Variants in BCLAF3 observed in about 807,000 individuals in gnomAD.
The protein encoded by BCLAF3 is transient octamer binding factor 1.
A neutral mutation model predicts 51.2 loss-of-function variants in BCLAF3; 24 were observed. The ratio of observed to expected loss-of-function variants is 0.47; its 90% CI spans 0.34 to 0.66. The LOEUF (loss-of-function observed/expected upper bound fraction) is 0.66, where lower values mean the gene tolerates loss of function less well. Among genes scored for constraint, BCLAF3 ranks in the 30% least tolerant of loss-of-function variants. The pLI, the probability that BCLAF3 is intolerant of heterozygous loss-of-function variation, is 0.01. For missense variants in BCLAF3, 465 were observed against 525.1 expected (o/e 0.89, Z 1.12); for synonymous variants, 152 against 176.6 (o/e 0.86, Z 1.10).
intron 8 of BCLAF3, among the ~76,000 whole-genome samples, chrX:19,938,861 G>A (rs2070883859): frequency 8.9e-6 from 1 of 112,503 alleles, no homozygotes; most frequent in African/African-American, 3.2e-5. Context: ...ACCCTTCTGA[G>A]GTGAACTAGG....
intron 4 of BCLAF3, among the ~76,000 whole-genome samples, chrX:19,962,978 AGGAGGCT>A (rs1379166718): frequency 9.2e-6 from 1 of 108,572 alleles, no homozygotes; most frequent in East Asian, 2.9e-4. Context: ...CCAGCTACTC[AGGAGGCT>A]GATGCAGGAG....
chrX:19,935,523 C>T (rs1317441110), intron 10 of BCLAF3: 2 of 243,173 alleles, frequency 8.2e-6, no homozygotes, highest in East Asian at 8.1e-5. Context: ...TTGCCTGTCT[C>T]CCCACCTAGA....
intron 10 of BCLAF3, 78 bp from the exon 11 acceptor site, chrX:19,930,018 T>C: frequency 9.7e-7 from 1 of 1,031,159 alleles, no homozygotes; most frequent in Non-Finnish European, 1.3e-6. Flanking sequence ...GATGAGTGGG[T>C]GGTTGGGTGC....
At chrX:19,964,350 TACA>T (rs777125157) in intron 4 of BCLAF3, among the ~76,000 whole-genome samples, 4 of 112,063 alleles carry the variant, frequency 3.6e-5, no homozygotes, top group Admixed American at 9.5e-5. Flanking sequence ...GAATATAACC[TACA>T]ACAACAACAG....
intron 11 of BCLAF3, among the ~76,000 whole-genome samples, chrX:19,921,777 C>A (rs1330059389): frequency 9.1e-6 from 1 of 110,010 alleles, no homozygotes; most frequent in Non-Finnish European, 1.9e-5. Context: ...TCAAGACAGG[C>A]AGATCACCTG....
At chrX:19,945,150 A>G (rs917152554) in intron 8 of BCLAF3, among the ~76,000 whole-genome samples, 1 of 110,088 alleles carries the variant, frequency 9.1e-6, no homozygotes, top group Non-Finnish European at 1.9e-5. Context: ...AGTTCTCTGT[A>G]TTGGTTATTC....
At chrX:19,987,001 TTGCTATGTTGCCAGGG>T (rs767623051) in intron 1 of BCLAF3, among the ~76,000 whole-genome samples, 1 of 110,028 alleles carries the variant, frequency 9.1e-6, no homozygotes, top group Admixed American at 9.7e-5. Flanking sequence ...AGACAGGGTC[TTGCTATGTTGCCAGGG>T]CTAGTCTCAA....
intron 11 of BCLAF3, among the ~76,000 whole-genome samples, chrX:19,919,249 A>G (rs1267142261): frequency 1.8e-5 from 2 of 112,206 alleles, no homozygotes; most frequent in Non-Finnish European, 3.8e-5. Context: ...AGTACTTAGC[A>G]TGTATCTCCT....
Position 19,953,775 on chromosome X carries a change from T to C in BCLAF3, c.1565+3A>G. 1 of 1,172,000 alleles carries C rather than the reference T, an allele frequency of 8.5e-7. No homozygotes were observed. Among genetic ancestry groups the C allele is most frequent in the Non-Finnish European group, 1.2e-6 (1 of 860,970 alleles). On this transcript the variant is annotated splice_donor_region_variant and intron_variant, in intron 6 of 11. Transcript: ENST00000379682. ...TGGGTATAATATGGTAATCAATCAT[T>C]ACCTGTGTATTTCTGGATCTGAATT...
chrX:19,975,253 A>G (rs1187033613), intron 1 of BCLAF3, among the ~76,000 whole-genome samples: 1 of 111,172 alleles, frequency 9.0e-6, no homozygotes. Context: ...AAAAAAAAAA[A>G]AAGAAGAAGA....
intron 6 of BCLAF3, 113 bp from the exon 7 acceptor site, chrX:19,953,164 A>G (rs2147894543): frequency 3.4e-6 from 2 of 586,693 alleles, no homozygotes; most frequent in East Asian, 3.5e-5. Context: ...GGAGCTAGCA[A>G]AAGAAACTTG....
chrX:19,946,280 G>T (rs1231235183), intron 8 of BCLAF3, among the ~76,000 whole-genome samples: 2 of 112,209 alleles, frequency 1.8e-5, no homozygotes, highest in Non-Finnish European at 3.8e-5. Flanking sequence ...GTTCCCATTC[G>T]GCCATCTTGG....
intron 1 of BCLAF3, among the ~76,000 whole-genome samples, chrX:19,987,391 G>A (rs1332293560): frequency 1.8e-5 from 2 of 111,844 alleles, no homozygotes; most frequent in Admixed American, 9.5e-5. Flanking sequence ...TGCAACCTCC[G>A]CCTCCTGGGT....
At chrX:19,987,108 T>C in intron 1 of BCLAF3, among the ~76,000 whole-genome samples, 1 of 110,227 alleles carries the variant, frequency 9.1e-6, no homozygotes, top group Non-Finnish European at 1.9e-5. Flanking sequence ...GCCCAGCCAG[T>C]ACATTTATTC....
rs1465369544 is a variant in BCLAF3, at chrX:19,916,622, A to C, written c.*683T>G. On this transcript the variant is annotated 3_prime_UTR_variant, in exon 12 of 12. Coordinates refer to ENST00000379682, the MANE Select transcript of BCLAF3 (RefSeq NM_001367774.2). ...AATAAGATGGACTATAGATTACAAA[A>C]TCTTTACATATTTTCCACAATAGCA... The C allele has an allele frequency of 1.8e-5, 2 of 112,668 alleles. No homozygotes were observed. The highest frequency in any genetic ancestry group is 6.4e-5 in the African/African-American group (2 of 31,023). The allele number at this position is 112,668 out of a possible 1,213,427, so 9.3% of individuals were successfully genotyped here. A position where few individuals can be genotyped will look rare whatever the true frequency, so the allele number is the denominator to read the frequency against.
At chrX:19,980,913 T>C (rs1288042670) in intron 1 of BCLAF3, among the ~76,000 whole-genome samples, 2 of 101,418 alleles carry the variant, frequency 2.0e-5, no homozygotes, top group Non-Finnish European at 4.0e-5. Context: ...CACTCCAGCC[T>C]GGGCGACAGA....
intron 9 of BCLAF3, among the ~76,000 whole-genome samples, chrX:19,936,753 G>T (rs1024295556): frequency 1.8e-5 from 2 of 111,763 alleles, no homozygotes; most frequent in Non-Finnish European, 3.8e-5. Flanking sequence ...TTTGTGAGCT[G>T]CCCTATAAAA....
chrX:19,976,940 A>G lies in BCLAF3; in HGVS notation c.-34-6642T>C, dbSNP rs534785769. 8.1e-5 allele frequency among the ~76,000 whole-genome samples: 9 copies of G among 111,760 alleles called. No individual in the cohort carries two copies. In the South Asian group the frequency reaches 3.4e-3, roughly 42 times the overall value. ...ACTTCTTGTCTCTGTGTCATATCAC[A>G]TTTTGGGAATTATCAAAGTATTTCA... On this transcript the variant is annotated intron_variant, in intron 1 of 11. Transcript: ENST00000379682.
In BCLAF3 at chrX:19,915,352, G is replaced by C. The variant is rs1269742773; in HGVS notation, c.*1953C>G. On this transcript the variant is annotated 3_prime_UTR_variant, in exon 12 of 12. Transcript: ENST00000379682. The stretch of plus-strand genomic sequence containing the variant: ...TGGGGATACTATGGTGGACAAGACA[G>C]ACACGGTCCCTGTCCTTATTTTATA... The C allele has an allele frequency of 8.9e-6, 1 of 111,885 alleles. No homozygotes were observed. The highest frequency in any genetic ancestry group is 3.2e-5 in the African/African-American group (1 of 30,803). 9.2% of individuals were successfully genotyped at this position (111,885 alleles called of 1,213,427 possible). A position where few individuals can be genotyped will look rare whatever the true frequency, so the allele number is the denominator to read the frequency against.
Sources: allele counts gnomAD v4.1 joint callset (sites outside exome capture counted in the v4.1 genomes callset), GRCh38; gene constraint gnomAD v4.1.1; transcripts MANE v1.5; gene names NCBI Gene and HGNC (gene_info 2026-07-23, HGNC 2026-07-21).